Variants in DPYD observed in about 807,000 individuals in gnomAD.
DPYD encodes dihydropyrimidine dehydrogenase.
In DPYD, 109 loss-of-function variants were observed where a neutral mutation model predicts 116.2. The ratio of observed to expected loss-of-function variants is 0.94; its 90% confidence interval spans 0.80 to 1.10. The LOEUF (loss-of-function observed/expected upper bound fraction) is 1.10, where lower values mean the gene tolerates loss of function less well. DPYD is among the 50% of genes least tolerant of loss of function. The probability of loss-of-function intolerance (pLI) is 0.00; values close to 1 mark genes in which losing one functional copy is unlikely to be tolerated. For missense variants in DPYD, 1,302 were observed against 1,254.5 expected, an observed-to-expected ratio of 1.04 and a Z score of -0.57; for synonymous variants, 440 against 432.0, an observed-to-expected ratio of 1.02 and a Z score of -0.23.
chr1:97,181,370 GA>G (rs1220519513), intron 20 of DPYD, among the ~76,000 whole-genome samples: 2 of 152,078 alleles, frequency 1.3e-5, no homozygotes, highest in Non-Finnish European at 2.9e-5. Flanking sequence ...GTTAAATTCA[GA>G]TGTTAACTTT....
intron 20 of DPYD, among the ~76,000 whole-genome samples, chr1:97,139,784 G>C (rs745589357): frequency 4.6e-5 from 7 of 152,194 alleles, no homozygotes; most frequent in Admixed American, 1.3e-4. Context: ...GCAGGACTTG[G>C]TGAGATGTGA....
At chr1:97,650,972 A>G (rs531818951) in intron 8 of DPYD, among the ~76,000 whole-genome samples, 1 of 152,242 alleles carries the variant, frequency 6.6e-6, no homozygotes, top group Non-Finnish European at 1.5e-5. Flanking sequence ...CAATCATAAA[A>G]TGATAGATTA....
intron 14 of DPYD, among the ~76,000 whole-genome samples, chr1:97,424,761 A>T (rs1374689729): frequency 6.6e-6 from 1 of 152,030 alleles, no homozygotes; most frequent in African/African-American, 2.4e-5. Flanking sequence ...GCCCACAGTG[A>T]ACTGAAAAAA....
At chr1:97,520,958 T>C (rs1257709509) in intron 12 of DPYD, among the ~76,000 whole-genome samples, 2 of 152,168 alleles carry the variant, frequency 1.3e-5, no homozygotes, top group South Asian at 2.1e-4. Flanking sequence ...CTCTTTATAG[T>C]AGAATGATTT....
chr1:97,174,002 A>C (rs1657076302), intron 20 of DPYD, among the ~76,000 whole-genome samples: 1 of 151,810 alleles, frequency 6.6e-6, no homozygotes, highest in South Asian at 2.1e-4. Context: ...TCAGTTCTAT[A>C]AATGTTATAA....
chr1:97,666,931 G>C (rs867136461), intron 8 of DPYD, among the ~76,000 whole-genome samples: 22 of 152,136 alleles, frequency 1.4e-4, no homozygotes, highest in Admixed American at 1.2e-3. Context: ...AAAACAAGAA[G>C]AAAATATAAG....
At chr1:97,582,576 A>G (rs1388104355) in intron 10 of DPYD, among the ~76,000 whole-genome samples, 1 of 152,134 alleles carries the variant, frequency 6.6e-6, no homozygotes, top group Admixed American at 6.5e-5. Flanking sequence ...AACAATTTTT[A>G]TATGTTAATT....
At chr1:97,250,794 A>G (rs1381591769) in intron 18 of DPYD, among the ~76,000 whole-genome samples, 1 of 152,134 alleles carries the variant, frequency 6.6e-6, no homozygotes, top group Non-Finnish European at 1.5e-5. Flanking sequence ...CTAGCAAGCA[A>G]CCCAAGAGAA....
chr1:97,395,442 T>C (rs1387590866), intron 14 of DPYD, among the ~76,000 whole-genome samples: 2 of 151,984 alleles, frequency 1.3e-5, no homozygotes, highest in Non-Finnish European at 2.9e-5. Flanking sequence ...ATAATTTAAA[T>C]TACTTTACCA....
intron 4 of DPYD, among the ~76,000 whole-genome samples, chr1:97,724,011 C>A (rs925017835): frequency 6.6e-6 from 1 of 151,396 alleles, no homozygotes; most frequent in Non-Finnish European, 1.5e-5. Flanking sequence ...TCAAAATATA[C>A]CATATCAGTA....
At chr1:97,577,268 T>C (rs1239880117) in intron 10 of DPYD, among the ~76,000 whole-genome samples, 1 of 152,172 alleles carries the variant, frequency 6.6e-6, no homozygotes, top group Admixed American at 6.6e-5. Flanking sequence ...TGGATCAAGA[T>C]ATTTCCCTTA....
At chr1:97,214,437 T>C (rs987643254) in intron 19 of DPYD, among the ~76,000 whole-genome samples, 3 of 152,174 alleles carry the variant, frequency 2.0e-5, no homozygotes, top group African/African-American at 7.2e-5. Flanking sequence ...ATAAAAGATA[T>C]ATGAAGGCAC....
chr1:97,146,360 T>C (rs951923030), intron 20 of DPYD, among the ~76,000 whole-genome samples: 2 of 152,190 alleles, frequency 1.3e-5, no homozygotes, highest in Non-Finnish European at 2.9e-5. Context: ...TATCGATAAT[T>C]ACAGGCACAA....
intron 7 of DPYD, among the ~76,000 whole-genome samples, chr1:97,679,590 T>C (rs1660328941): frequency 6.6e-6 from 1 of 152,136 alleles, no homozygotes; most frequent in African/African-American, 2.4e-5. Flanking sequence ...CACATGTGTA[T>C]GAGAGTTCAG....
chr1:97,570,423 T>C (rs759203287), intron 11 of DPYD, among the ~76,000 whole-genome samples: 23 of 151,976 alleles, frequency 1.5e-4, no homozygotes, highest in Non-Finnish European at 3.2e-4. Context: ...GTTGCCACTA[T>C]GGAATGTTCC....
chr1:97,293,878 G>T lies in DPYD; in HGVS notation c.2299+11381C>A. ...CATGAGAATCGCTCGAACCCGGGAG[G>T]TGGAGGTTGCAGTGAGCAGAGATCA... On this transcript the variant is annotated intron_variant, in intron 18 of 22. Coordinates refer to ENST00000370192, the MANE Select transcript of DPYD (RefSeq NM_000110.4). Among the ~76,000 whole-genome samples the T allele has an allele frequency of 1.4e-5, 2 of 142,002 alleles. 1 individual carries two copies. Among genetic ancestry groups the T allele is most frequent in the South Asian group, 4.6e-4 (2 of 4,382 alleles). The allele number at this position is 142,002 out of a possible 152,430, so 93.2% of individuals were successfully genotyped here.
At chr1:97,812,037 T>C (rs1021362668) in intron 3 of DPYD, among the ~76,000 whole-genome samples, 1 of 152,220 alleles carries the variant, frequency 6.6e-6, no homozygotes, top group Non-Finnish European at 1.5e-5. Context: ...TAGCTGTGAC[T>C]ATTTTCAGAT....
intron 8 of DPYD, among the ~76,000 whole-genome samples, chr1:97,619,293 A>G (rs1473791778): frequency 6.6e-6 from 1 of 152,202 alleles, no homozygotes; most frequent in East Asian, 1.9e-4. Flanking sequence ...ACTAAATTAT[A>G]TTTAAGTATC....
chr1:97,471,881 C>A (rs922263710), intron 13 of DPYD, among the ~76,000 whole-genome samples: 2 of 152,124 alleles, frequency 1.3e-5, no homozygotes, highest in African/African-American at 2.4e-5. Flanking sequence ...TGAGCCACCA[C>A]GCCCATCCCG....
Sources: gnomAD v4.1 joint callset for allele counts (sites outside exome capture counted in the v4.1 genomes callset) on GRCh38, gnomAD v4.1.1 for gene constraint, MANE v1.5 for transcripts, NCBI Gene and HGNC (gene_info 2026-07-23, HGNC 2026-07-21) for gene names.